Variants in ACOT12 observed in about 807,000 individuals in gnomAD.
ACOT12 encodes acetyl-coenzyme A thioesterase.
A neutral mutation model predicts 67.7 loss-of-function variants in ACOT12; 51 were observed. That is an observed-to-expected ratio of 0.75 (90% CI 0.60 to 0.95). ACOT12 has a LOEUF of 0.95. Ranked by LOEUF, ACOT12 falls within the 40% of genes least tolerant of loss-of-function variation. The pLI is 0.00. For missense variants in ACOT12, 734 were observed against 708.1 expected (o/e 1.04, Z -0.41); for synonymous variants, 251 against 244.6 (o/e 1.03, Z -0.24).
intron 5 of ACOT12, among the ~76,000 whole-genome samples, chr5:81,356,887 T>C (rs1447459133): frequency 6.6e-6 from 1 of 151,980 alleles, no homozygotes; most frequent in East Asian, 1.9e-4. Context: ...AGTGACCATA[T>C]TAAGTGCAAA....
the ACOT12 span, chr5:81,308,807 A>G: frequency 6.7e-7 from 1 of 1,482,306 alleles, no homozygotes; most frequent in Non-Finnish European, 9.0e-7. Flanking sequence ...CGAGTGTGCC[A>G]CTTAGTATTT....
intron 1 of ACOT12, among the ~76,000 whole-genome samples, chr5:81,389,392 T>C (rs1204395793): frequency 2.6e-5 from 4 of 152,210 alleles, no homozygotes; most frequent in Non-Finnish European, 5.9e-5. Flanking sequence ...CTCCACTGTT[T>C]CTGATGAGGT....
intron 5 of ACOT12, among the ~76,000 whole-genome samples, chr5:81,359,569 C>T: frequency 6.6e-6 from 1 of 152,318 alleles, no homozygotes; most frequent in South Asian, 2.1e-4. Flanking sequence ...GCTTAGTAAG[C>T]CACGAAGCAC....
intron 4 of ACOT12, among the ~76,000 whole-genome samples, chr5:81,360,554 G>A (rs1759874217): frequency 6.6e-6 from 1 of 152,116 alleles, no homozygotes; most frequent in Non-Finnish European, 1.5e-5. Context: ...CAAAACAAAA[G>A]AATCAATATG....
chr5:81,319,669 A>C, the ACOT12 span, among the ~76,000 whole-genome samples: 1 of 151,824 alleles, frequency 6.6e-6, no homozygotes, highest in Admixed American at 6.6e-5. Flanking sequence ...GTGAGCTGAG[A>C]TAGCGCCATT....
the ACOT12 span, among the ~76,000 whole-genome samples, chr5:81,321,360 C>A: frequency 6.6e-6 from 1 of 152,196 alleles, no homozygotes; most frequent in Admixed American, 6.5e-5. Context: ...TTTGTAAGAG[C>A]ACCAGAGGGC....
In ACOT12 at chr5:81,368,443, G is replaced by A. The variant is rs1760148053; in HGVS notation, c.258+3307C>T. Among the ~76,000 whole-genome samples, 6 of 151,850 alleles carry A rather than the reference G, an allele frequency of 4.0e-5. No individual in the cohort carries two copies. The South Asian group carries it at 1.0e-3, about 26-fold the overall frequency. ...TTCACCAAAATAGTCCATATTTTGG[G>A]TCATTAAAAAAGTCTAAATAAATTT... On this transcript the variant is annotated intron_variant, in intron 3 of 14. Coordinates refer to ENST00000307624, the MANE Select transcript of ACOT12 (RefSeq NM_130767.3).
At chr5:81,389,727 AT>A (rs1486314119) in intron 1 of ACOT12, among the ~76,000 whole-genome samples, 1 of 151,844 alleles carries the variant, frequency 6.6e-6, no homozygotes, top group African/African-American at 2.4e-5. Context: ...GGATTTCACC[AT>A]GTTGGCCAGG....
rs113341434 is a variant in ACOT12 at position 81,343,306 on chromosome 5, A to G, written c.1044+512T>C. On this transcript the variant is annotated intron_variant, in intron 10 of 14. Coordinates refer to ENST00000307624, the MANE Select transcript of ACOT12 (RefSeq NM_130767.3). ...CATATACTTTTTATCTTGAACCCTT[A>G]ATTCAGAATTCAGACAAAGTAACTG... 8.0e-4 allele frequency among the ~76,000 whole-genome samples: 122 copies of G among 152,322 alleles called. 1 individual carries two copies. The highest frequency in any genetic ancestry group is 2.7e-3 in the African/African-American group (114 of 41,576).
chr5:81,313,780 T>C, the ACOT12 span, among the ~76,000 whole-genome samples: 1 of 152,242 alleles, frequency 6.6e-6, no homozygotes, highest in Admixed American at 6.5e-5. Flanking sequence ...TTTTCATCTC[T>C]GCACAACTCG....
rs1759452592 is a variant in ACOT12, at chr5:81,348,516, T to C, written c.497-586A>G. On this transcript the variant is annotated intron_variant, in intron 5 of 14. Transcript: ENST00000307624. ...CTCCTGCGGAAACTGTTTGTAATGATTGCAGTCACAAGCAGGAAAGACACA... is the reference window on the plus strand; with the variant it reads ...CTCCTGCGGAAACTGTTTGTAATGACTGCAGTCACAAGCAGGAAAGACACA... Among the ~76,000 whole-genome samples the C allele has an allele frequency of 1.3e-5, 2 of 152,146 alleles. 1 individual carries two copies. Among genetic ancestry groups the C allele is most frequent in the South Asian group, 4.1e-4 (2 of 4,832 alleles).
chr5:81,351,226 T>C (rs1307400861), intron 5 of ACOT12, among the ~76,000 whole-genome samples: 1 of 152,242 alleles, frequency 6.6e-6, no homozygotes, highest in African/African-American at 2.4e-5. Flanking sequence ...AAATTGATTT[T>C]ATTTGAAGAT....
intron 2 of ACOT12, among the ~76,000 whole-genome samples, chr5:81,380,232 C>T (rs563538705): frequency 6.6e-6 from 1 of 152,194 alleles, no homozygotes; most frequent in South Asian, 2.1e-4. Flanking sequence ...ATGACATATG[C>T]ATTTACCCTT....
the ACOT12 span, among the ~76,000 whole-genome samples, chr5:81,321,721 T>C: frequency 1.3e-5 from 2 of 152,080 alleles, no homozygotes; most frequent in Admixed American, 1.3e-4. Flanking sequence ...CTGAGGTGGG[T>C]GGATTACCTG....
intron 5 of ACOT12, among the ~76,000 whole-genome samples, chr5:81,355,422 G>A (rs1362413764): frequency 6.6e-6 from 1 of 152,138 alleles, no homozygotes; most frequent in Non-Finnish European, 1.5e-5. Context: ...AACATGGATG[G>A]AACTGAGGTC....
intron 4 of ACOT12, 118 bp downstream of exon 4, chr5:81,363,670 C>T (rs1032426449): frequency 9.5e-6 from 6 of 629,074 alleles, no homozygotes; most frequent in Non-Finnish European, 1.5e-5. Context: ...AATAACAAAT[C>T]TTGGGGAAGT....
chr5:81,322,695 A>G, the ACOT12 span, among the ~76,000 whole-genome samples: 1 of 152,186 alleles, frequency 6.6e-6, no homozygotes, highest in African/African-American at 2.4e-5. Flanking sequence ...TATAAAGGAA[A>G]GAGGTTTAAT....
chr5:81,312,859 A>C, the ACOT12 span: 1 of 412,178 alleles, frequency 2.4e-6, no homozygotes, highest in South Asian at 4.5e-5. Context: ...AAATTGAAGA[A>C]AAGAATAAGA....
rs141076563 is a variant in ACOT12 at position 81,388,776 on chromosome 5, T to C, written c.128-2950A>G. ...TTGTAGCTCCCATAATTCCCACATG[T>C]TGTGGGAAGGAACCGGTGGGAGATA... On this transcript the variant is annotated intron_variant, in intron 1 of 14. Transcript: ENST00000307624. Among the ~76,000 whole-genome samples, 419 of 152,284 alleles carry C rather than the reference T, an allele frequency of 2.8e-3. 3 individuals carry two copies. Among genetic ancestry groups the C allele is most frequent in the African/African-American group, 9.8e-3 (408 of 41,554 alleles).
Sources: gnomAD v4.1 joint callset for allele counts (sites outside exome capture counted in the v4.1 genomes callset) on GRCh38, gnomAD v4.1.1 for gene constraint, MANE v1.5 for transcripts, NCBI Gene and HGNC (gene_info 2026-07-23, HGNC 2026-07-21) for gene names.